TSG101: variants seen among roughly 807,000 people sequenced by gnomAD.
TSG101 encodes tumor susceptibility gene 101 protein.
Under a neutral mutation model 48.5 loss-of-function variants are expected in TSG101, and 19 were observed. The observed-to-expected ratio is 0.39, with a 90% CI of 0.27 to 0.58. TSG101 has a LOEUF of 0.58. Among genes scored for constraint, TSG101 ranks in the 20% least tolerant of loss-of-function variants. The probability of loss-of-function intolerance (pLI) is 0.55; values close to 1 mark genes in which losing one functional copy is unlikely to be tolerated. For missense variants in TSG101, 365 were observed against 484.4 expected (o/e 0.75, Z 2.31); for synonymous variants, 174 against 169.4 (o/e 1.03, Z -0.21).
chr11:18,488,588 G>A (rs1849653837), intron 7 of TSG101, among the ~76,000 whole-genome samples: 1 of 152,160 alleles, frequency 6.6e-6, no homozygotes, highest in African/African-American at 2.4e-5. Flanking sequence ...TATGACTAAA[G>A]AGCAACACCG....
chr11:18,499,943 T>C (rs545023838), intron 7 of TSG101, among the ~76,000 whole-genome samples: 51 of 152,304 alleles, frequency 3.3e-4, no homozygotes, highest in African/African-American at 1.2e-3. Context: ...TTAGAACTTA[T>C]TCCTTCTATC....
At chr11:18,496,442 A>AAAAAT (rs201480350) in intron 7 of TSG101, among the ~76,000 whole-genome samples, 4,541 of 110,114 alleles carry the variant, frequency 0.041, 174 homozygotes, top group Non-Finnish European at 0.051. Context: ...ACTCTGTCTC[A>AAAAAT]AAAATAAAAT....
At chr11:18,525,345 G>A (rs946219061) in intron 1 of TSG101, among the ~76,000 whole-genome samples, 1 of 151,998 alleles carries the variant, frequency 6.6e-6, no homozygotes, top group Non-Finnish European at 1.5e-5. Context: ...TGGAGTTTAA[G>A]ACCAGCCTGG....
intron 6 of TSG101, among the ~76,000 whole-genome samples, chr11:18,504,784 C>T (rs1849942375): frequency 6.6e-6 from 1 of 152,206 alleles, no homozygotes. Context: ...ATTATTCCCT[C>T]TATGTCCAAA....
At position 18,481,685 on chromosome 11, in the gene TSG101, A is replaced by T. The variant is rs775854339; in HGVS notation, c.1028T>A (p.Phe343Tyr). 6.2e-7 allele frequency: 1 copy of T among 1,614,146 alleles called. No homozygotes were observed. Among genetic ancestry groups the T allele is most frequent in the East Asian group, 2.2e-5 (1 of 44,874 alleles). Residue 343 changes from phenylalanine to tyrosine, a missense_variant, in exon 9 of 10, where the codon TTT becomes TAT. Coordinates refer to ENST00000251968, the MANE Select transcript of TSG101 (RefSeq NM_006292.4). ...CCTTCTCAAGGCTTCTCCCAAGTAA[A>T]AGATAGTGTCTTCAATAGCGTTTTC... ...AEENAIEDTIFYLGEALRRGV... is the reference protein window; with the variant it reads ...AEENAIEDTIYYLGEALRRGV...
intron 7 of TSG101, among the ~76,000 whole-genome samples, chr11:18,488,226 A>G (rs6486430): frequency 0.5 from 75,838 of 152,074 alleles, 19,305 homozygotes; most frequent in Non-Finnish European, 0.55. Flanking sequence ...GTTCAGTTAG[A>G]AAGGAGGGAT....
chr11:18,522,673 G>A (rs1850298460), intron 1 of TSG101, among the ~76,000 whole-genome samples: 1 of 152,170 alleles, frequency 6.6e-6, no homozygotes, highest in African/African-American at 2.4e-5. Flanking sequence ...CATACTCCAA[G>A]TAAATGCCAA....
chr11:18,525,713 C>G, intron 1 of TSG101: 5 of 983,898 alleles, frequency 5.1e-6, no homozygotes, highest in Non-Finnish European at 6.0e-6. Flanking sequence ...CTAAGGATAA[C>G]AAGTTTATCA....
At chr11:18,508,175 T>C (rs1850006879) in intron 5 of TSG101, among the ~76,000 whole-genome samples, 1 of 151,606 alleles carries the variant, frequency 6.6e-6, no homozygotes, top group African/African-American at 2.4e-5. Flanking sequence ...CGCTATATTA[T>C]CTGAGCAAAT....
chr11:18,496,869 G>A (rs757684589), intron 7 of TSG101, among the ~76,000 whole-genome samples: 6 of 152,118 alleles, frequency 3.9e-5, no homozygotes, highest in Non-Finnish European at 7.4e-5. Flanking sequence ...GGCAGGTGGT[G>A]AGGTCAGGAG....
chr11:18,502,602 T>G, intron 6 of TSG101, 25 bp from the exon 7 acceptor site: 1 of 1,574,418 alleles, frequency 6.4e-7, no homozygotes, highest in Non-Finnish European at 8.7e-7. Flanking sequence ...AAAAAACATT[T>G]AACATTTAAG....
At chr11:18,481,063 T>G (rs1367636659) in intron 9 of TSG101, among the ~76,000 whole-genome samples, 1 of 152,098 alleles carries the variant, frequency 6.6e-6, no homozygotes, top group African/African-American at 2.4e-5. Context: ...GGATCAGATA[T>G]CCCAAGGGTG....
chr11:18,482,911 T>C (rs1015104258), intron 8 of TSG101, among the ~76,000 whole-genome samples: 8 of 152,150 alleles, frequency 5.3e-5, no homozygotes, highest in African/African-American at 1.7e-4. Context: ...AGTCCTCCTT[T>C]GGGTTAAAAC....
At chr11:18,510,514 C>T (rs1421912948) in intron 4 of TSG101, among the ~76,000 whole-genome samples, 1 of 152,110 alleles carries the variant, frequency 6.6e-6, no homozygotes, top group Non-Finnish European at 1.5e-5. Context: ...ATCTTTCCTT[C>T]CAACAATGAC....
intron 7 of TSG101, chr11:18,490,900 T>C (rs79403725): frequency 0.048 from 22,917 of 474,682 alleles, 1,093 homozygotes; most frequent in East Asian, 0.19. Flanking sequence ...CATATCATCA[T>C]AGCGCTCAGC....
intron 7 of TSG101, among the ~76,000 whole-genome samples, chr11:18,496,727 T>C (rs1849789656): frequency 1.3e-5 from 2 of 151,874 alleles, no homozygotes; most frequent in African/African-American, 4.8e-5. Flanking sequence ...GCCCAGGAGA[T>C]GGAGGTTGCA....
At chr11:18,489,268 C>T (rs12785895) in intron 7 of TSG101, among the ~76,000 whole-genome samples, 8,018 of 151,364 alleles carry the variant, frequency 0.053, 239 homozygotes, top group Non-Finnish European at 0.065. Context: ...CTACGTTGTC[C>T]AGGCTGGAGT....
chr11:18,516,072 A>G (rs1326994400), intron 3 of TSG101, 27 bp downstream of exon 3: 3 of 1,603,220 alleles, frequency 1.9e-6, no homozygotes, highest in East Asian at 2.2e-5. Flanking sequence ...AAATGCATCT[A>G]TGCTGGAAAC....
chr11:18,493,026 T>C (rs1849721440), intron 7 of TSG101, among the ~76,000 whole-genome samples: 1 of 152,162 alleles, frequency 6.6e-6, no homozygotes, highest in Non-Finnish European at 1.5e-5. Context: ...ATACCTGCTA[T>C]AACAAGAATA....
Sources: gnomAD v4.1 joint callset for allele counts (sites outside exome capture counted in the v4.1 genomes callset) on GRCh38, gnomAD v4.1.1 for gene constraint, MANE v1.5 for transcripts, NCBI Gene and HGNC (gene_info 2026-07-23, HGNC 2026-07-21) for gene names.